Variants in DNAAF11 observed in about 807,000 individuals in gnomAD.
The protein encoded by DNAAF11 is leucine rich repeat containing 6.
DNAAF11 carries 45 observed loss-of-function variants against 60.8 expected under a neutral mutation model. The observed-to-expected ratio is 0.74, with a 90% CI of 0.58 to 0.95. The LOEUF is 0.95. Among genes scored for constraint, DNAAF11 ranks in the 40% least tolerant of loss-of-function variants. The pLI, the probability that DNAAF11 is intolerant of heterozygous loss-of-function variation, is 0.00. For synonymous variants in DNAAF11, 191 were observed against 183.5 expected (o/e 1.04, Z -0.33); for missense variants, 546 against 546.2 (o/e 1.00, Z 0.00).
intron 10 of DNAAF11, among the ~76,000 whole-genome samples, chr8:132,590,677 G>A (rs914828484): frequency 6.6e-6 from 1 of 152,148 alleles, no homozygotes; most frequent in Non-Finnish European, 1.5e-5. Context: ...AGTGGCCTGG[G>A]AATCTAGTTT....
chr8:132,700,523 C>CAA, the DNAAF11 span, among the ~76,000 whole-genome samples: 37,969 of 135,006 alleles, frequency 0.28, 5,095 homozygotes, highest in East Asian at 0.37. Context: ...CCCACCTCTA[C>CAA]AAAAAAAAAA....
At chr8:132,691,752 A>C in the DNAAF11 span, among the ~76,000 whole-genome samples, 9 of 152,116 alleles carry the variant, frequency 5.9e-5, no homozygotes, top group Admixed American at 2.0e-4. Context: ...AACCACCCCC[A>C]TCATCCAGTC....
At chr8:132,692,706 A>G in the DNAAF11 span, among the ~76,000 whole-genome samples, 1 of 152,098 alleles carries the variant, frequency 6.6e-6, no homozygotes, top group Non-Finnish European at 1.5e-5. Context: ...TCTATCTCCA[A>G]CCTGACCCTC....
Position 132,572,362 on chromosome 8 carries a change from G to A in DNAAF11, c.1345C>T (p.Pro449Ser). 6.2e-7 allele frequency: 1 copy of A among 1,613,980 alleles called. No homozygotes were observed. The highest frequency in any genetic ancestry group is 8.5e-7 in the Non-Finnish European group (1 of 1,179,908). Residue 449 changes from proline to serine, a missense_variant, in exon 12 of 12, where the codon CCA becomes TCA. By Grantham distance (74) the Pro-to-Ser change is moderately conservative (BLOSUM62 -1). Transcript: ENST00000620350. ...TCAAAGGTTGGGTCTTCCTCACTTG[G>A]TATAATTTTGGGTTCAGGTCGTCTT... ...PRRRPEPKII[P>S]SEEDPTFEDN...
At chr8:132,590,364 A>T (rs1816338604) in intron 10 of DNAAF11, among the ~76,000 whole-genome samples, 1 of 152,182 alleles carries the variant, frequency 6.6e-6, no homozygotes, top group African/African-American at 2.4e-5. Context: ...TTTCCAGGTG[A>T]CCTTGGTGTT....
chr8:132,654,274 A>G (rs1004743550), intron 3 of DNAAF11, among the ~76,000 whole-genome samples: 3 of 152,120 alleles, frequency 2.0e-5, no homozygotes, highest in South Asian at 4.1e-4. Context: ...CAAAATATCT[A>G]AAGCAAAAAC....
intron 5 of DNAAF11, among the ~76,000 whole-genome samples, chr8:132,628,811 A>ATTCTT (rs1820527702): frequency 6.6e-6 from 1 of 152,210 alleles, no homozygotes; most frequent in Admixed American, 6.5e-5. Flanking sequence ...CCCCACTGTA[A>ATTCTT]GCTTCTACTA....
chr8:132,656,809 T>C, intron 3 of DNAAF11, 21 bp downstream of exon 3: 1 of 1,037,450 alleles, frequency 9.6e-7, no homozygotes, highest in Non-Finnish European at 1.5e-6. Flanking sequence ...CATAATAGCA[T>C]AATAGAAGAA....
At chr8:132,702,532 A>T in the DNAAF11 span, among the ~76,000 whole-genome samples, 3 of 151,606 alleles carry the variant, frequency 2.0e-5, no homozygotes, top group East Asian at 1.9e-4. Context: ...CCGTTGTCCC[A>T]GAGGTCATAA....
intron 8 of DNAAF11, among the ~76,000 whole-genome samples, chr8:132,611,838 T>G (rs73355147): frequency 0.097 from 14,760 of 152,070 alleles, 2,045 homozygotes; most frequent in African/African-American, 0.31. Context: ...CCCCTCAAAG[T>G]CACATCCTGC....
upstream of DNAAF11, among the ~76,000 whole-genome samples, chr8:132,678,849 T>TA (rs1235287838): frequency 2.6e-5 from 4 of 152,226 alleles, no homozygotes; most frequent in African/African-American, 9.6e-5. Flanking sequence ...TATTTCACTA[T>TA]AGAAGTAACA....
the DNAAF11 span, among the ~76,000 whole-genome samples, chr8:132,700,274 G>A: frequency 0.45 from 68,302 of 151,950 alleles, 18,707 homozygotes; most frequent in African/African-American, 0.78. Flanking sequence ...GACAGACCCA[G>A]TCAACCAGGT....
At chr8:132,644,421 G>C (rs10087947) in intron 3 of DNAAF11, among the ~76,000 whole-genome samples, 1 of 152,172 alleles carries the variant, frequency 6.6e-6, no homozygotes, top group African/African-American at 2.4e-5. Context: ...CAGCATGAGC[G>C]ACACAGAAGA....
intron 10 of DNAAF11, among the ~76,000 whole-genome samples, chr8:132,596,172 T>C (rs553683178): frequency 6.6e-6 from 1 of 152,204 alleles, no homozygotes; most frequent in South Asian, 2.1e-4. Context: ...TGAATTCATG[T>C]GGCCCGTCAA....
chr8:132,617,785 G>C (rs1227273373), intron 7 of DNAAF11, among the ~76,000 whole-genome samples: 16 of 151,004 alleles, frequency 1.1e-4, no homozygotes, highest in Non-Finnish European at 1.6e-4. Flanking sequence ...CACTGCTCAA[G>C]GAAATAAAAG....
chr8:132,687,741 G>T, the DNAAF11 span: 1 of 454,848 alleles, frequency 2.2e-6, no homozygotes, highest in East Asian at 7.0e-5. Flanking sequence ...AAATCTGCCT[G>T]ACTCCAAAGC....
intron 11 of DNAAF11, among the ~76,000 whole-genome samples, chr8:132,580,911 G>A (rs1481990607): frequency 1.3e-5 from 2 of 152,188 alleles, no homozygotes; most frequent in African/African-American, 2.4e-5. Context: ...AGAATAAGGT[G>A]AGAAGACATT....
intron 11 of DNAAF11, among the ~76,000 whole-genome samples, chr8:132,582,345 G>A (rs546846189): frequency 2.2e-4 from 33 of 152,298 alleles, no homozygotes; most frequent in Admixed American, 7.8e-4. Context: ...ATGAAGAATC[G>A]TGCTAAGACA....
At chr8:132,642,891 G>C (rs371711930) in intron 3 of DNAAF11, among the ~76,000 whole-genome samples, 5 of 152,140 alleles carry the variant, frequency 3.3e-5, no homozygotes, top group African/African-American at 1.2e-4. Context: ...TTAGAGCAGC[G>C]GTCTCCAACA....
Sources: allele counts gnomAD v4.1 joint callset (sites outside exome capture counted in the v4.1 genomes callset), GRCh38; gene constraint gnomAD v4.1.1; transcripts MANE v1.5; gene names NCBI Gene and HGNC (gene_info 2026-07-23, HGNC 2026-07-21).